Variants in GALNTL6 observed in about 807,000 individuals in gnomAD.
GALNTL6 encodes polypeptide N-acetylgalactosaminyltransferase like 6, also known as polypeptide N-acetylgalactosaminyltransferase-like 6.
Under a neutral mutation model 73.7 loss-of-function variants are expected in GALNTL6, and 46 were observed. The ratio of observed to expected loss-of-function variants is 0.62; its 90% confidence interval spans 0.49 to 0.80. The LOEUF is 0.80. GALNTL6 is among the 30% of genes least tolerant of loss of function. The pLI, the probability that GALNTL6 is intolerant of heterozygous loss-of-function variation, is 0.00. For synonymous variants in GALNTL6, 259 were observed against 263.7 expected (o/e 0.98, Z 0.17); for missense variants, 604 against 755.0 (o/e 0.80, Z 2.34).
At chr4:172,497,294 C>G (rs952541081) in intron 5 of GALNTL6, among the ~76,000 whole-genome samples, 4 of 152,310 alleles carry the variant, frequency 2.6e-5, no homozygotes, top group Admixed American at 2.6e-4. Flanking sequence ...TCTGCCAGAA[C>G]TCCTGAAACT....
At chr4:171,959,381 G>A (rs375235983) in intron 2 of GALNTL6, among the ~76,000 whole-genome samples, 4 of 152,196 alleles carry the variant, frequency 2.6e-5, no homozygotes, top group East Asian at 1.9e-4. Context: ...TTTATCAGCC[G>A]ATAGAGCTAT....
chr4:172,800,087 A>G (rs1053643085), intron 5 of GALNTL6, among the ~76,000 whole-genome samples: 1 of 152,130 alleles, frequency 6.6e-6, no homozygotes, highest in Non-Finnish European at 1.5e-5. Flanking sequence ...AGCAGAAGGT[A>G]TAATGGTGGT....
At chr4:172,607,908 A>C (rs960947055) in intron 5 of GALNTL6, among the ~76,000 whole-genome samples, 4 of 151,860 alleles carry the variant, frequency 2.6e-5, no homozygotes, top group Admixed American at 2.0e-4. Context: ...TTGAAAAGTG[A>C]GTGTCTATGT....
chr4:172,279,854 A>T (rs546220797), intron 3 of GALNTL6, among the ~76,000 whole-genome samples: 1 of 152,312 alleles, frequency 6.6e-6, no homozygotes, highest in South Asian at 2.1e-4. Flanking sequence ...TAAATGTATT[A>T]AAAAATTGTA....
At chr4:172,776,457 G>C (rs13144747) in intron 5 of GALNTL6, among the ~76,000 whole-genome samples, 1 of 152,040 alleles carries the variant, frequency 6.6e-6, no homozygotes, top group Non-Finnish European at 1.5e-5. Context: ...ACTAGCTAAA[G>C]AGGGTGAAAC....
At chr4:172,568,949 A>C (rs1560812900) in intron 5 of GALNTL6, among the ~76,000 whole-genome samples, 1 of 151,374 alleles carries the variant, frequency 6.6e-6, no homozygotes, top group African/African-American at 2.4e-5. Flanking sequence ...TGTTAGTGTT[A>C]GTGTATTTTA....
chr4:172,333,741 T>C (rs761866014), intron 4 of GALNTL6, among the ~76,000 whole-genome samples: 21 of 152,220 alleles, frequency 1.4e-4, no homozygotes, highest in Non-Finnish European at 2.5e-4. Flanking sequence ...TTTGAGGTCT[T>C]AGTCATAAAT....
At chr4:172,863,110 G>T (rs1027003464) in intron 7 of GALNTL6, among the ~76,000 whole-genome samples, 2 of 152,226 alleles carry the variant, frequency 1.3e-5, no homozygotes, top group African/African-American at 2.4e-5. Flanking sequence ...ATTTCAGAGG[G>T]TGTATGGAAA....
intron 2 of GALNTL6, among the ~76,000 whole-genome samples, chr4:171,915,195 A>G (rs549597511): frequency 3.3e-5 from 5 of 152,288 alleles, no homozygotes; most frequent in African/African-American, 9.6e-5. Flanking sequence ...GCACAGCATC[A>G]TTTTATGTAA....
At chr4:172,207,639 A>G (rs1736182164) in intron 2 of GALNTL6, among the ~76,000 whole-genome samples, 1 of 152,152 alleles carries the variant, frequency 6.6e-6, no homozygotes. Context: ...TTAAAACTAG[A>G]TCTGGAACCA....
chr4:172,964,355 T>C (rs4696037), intron 10 of GALNTL6, among the ~76,000 whole-genome samples: 60,904 of 152,044 alleles, frequency 0.4, 12,719 homozygotes, highest in East Asian at 0.48. Context: ...ATAAAAGATG[T>C]AAAATAGACA....
At chr4:172,955,259 C>A (rs1388406156) in intron 10 of GALNTL6, among the ~76,000 whole-genome samples, 1 of 152,072 alleles carries the variant, frequency 6.6e-6, no homozygotes, top group Admixed American at 6.6e-5. Flanking sequence ...GGGTGGATCA[C>A]CTGAGGTCAG....
chr4:172,602,600 A>G (rs977919658), intron 5 of GALNTL6, among the ~76,000 whole-genome samples: 1 of 152,166 alleles, frequency 6.6e-6, no homozygotes, highest in African/African-American at 2.4e-5. Flanking sequence ...AGTTAATCCA[A>G]AAGAAGATAG....
At position 172,036,159 on chromosome 4, in the gene GALNTL6, C is replaced by T. The variant is rs535590734; in HGVS notation, c.139-193497C>T. 3.1e-4 allele frequency among the ~76,000 whole-genome samples: 47 copies of T among 152,080 alleles called. No homozygotes were observed. In the South Asian group the frequency reaches 8.7e-3, roughly 28 times the overall value. ...AGCATAAATCACACATGTATGTGAACAATTCATATTTATTTCCCTTTCATA... is the reference window on the plus strand; with the variant it reads ...AGCATAAATCACACATGTATGTGAATAATTCATATTTATTTCCCTTTCATA... On this transcript the variant is annotated intron_variant, in intron 2 of 12. Coordinates refer to ENST00000506823, the MANE Select transcript of GALNTL6 (RefSeq NM_001034845.3).
intron 2 of GALNTL6, among the ~76,000 whole-genome samples, chr4:171,972,289 C>T (rs979683844): frequency 2.0e-5 from 3 of 152,002 alleles, no homozygotes; most frequent in Non-Finnish European, 4.4e-5. Flanking sequence ...GGGATTATAG[C>T]AATTTAACAT....
At position 171,827,382 on chromosome 4, in the gene GALNTL6, T is replaced by C. The variant is rs140098071; in HGVS notation, c.138+12664T>C. Among the ~76,000 whole-genome samples, 17 of 152,304 alleles carry C rather than the reference T, an allele frequency of 1.1e-4. No individual in the cohort carries two copies. In the East Asian group the frequency reaches 3.3e-3, roughly 29 times the overall value. On this transcript the variant is annotated intron_variant, in intron 2 of 12. Transcript: ENST00000506823. ...CTCTGTGACTCAGGGCGCATAGCCA[T>C]ACTCTTCTCAAGGCTCAGAAAATTT...
intron 5 of GALNTL6, among the ~76,000 whole-genome samples, chr4:172,469,931 A>T (rs1221906955): frequency 6.6e-6 from 1 of 152,194 alleles, no homozygotes; most frequent in African/African-American, 2.4e-5. Flanking sequence ...ATTTACTACT[A>T]TTGTTAGACT....
intron 5 of GALNTL6, among the ~76,000 whole-genome samples, chr4:172,582,600 C>T (rs1436879533): frequency 1.3e-5 from 2 of 152,144 alleles, no homozygotes; most frequent in Admixed American, 1.3e-4. Context: ...GCACTAAAAA[C>T]ATTGCCTGCT....
intron 2 of GALNTL6, among the ~76,000 whole-genome samples, chr4:171,989,062 T>A (rs4048516): frequency 0.94 from 142,333 of 151,086 alleles, 67,087 homozygotes; most frequent in East Asian, 0.98. Flanking sequence ...GAGTATTGTC[T>A]AAGTTGGCAC....
Sources: allele counts gnomAD v4.1 joint callset (sites outside exome capture counted in the v4.1 genomes callset), GRCh38; gene constraint gnomAD v4.1.1; transcripts MANE v1.5; gene names NCBI Gene and HGNC (gene_info 2026-07-23, HGNC 2026-07-21).